POLG: variants seen among roughly 807,000 people sequenced by gnomAD.
POLG encodes DNA polymerase subunit gamma-1.
POLG carries 110 observed loss-of-function variants against 155.4 expected under a neutral mutation model. The ratio of observed to expected loss-of-function variants is 0.71; its 90% confidence interval spans 0.61 to 0.83. The LOEUF is 0.83. POLG is among the 40% of genes least tolerant of loss of function. The pLI is 0.00. For missense variants in POLG, 1,685 were observed against 1,627.5 expected (o/e 1.04, Z -0.61); for synonymous variants, 701 against 631.5 (o/e 1.11, Z -1.65).
In POLG at chr15:89,321,968, A is replaced by G. The variant is rs763453929; in HGVS notation, c.2474T>C (p.Val825Ala). ...ACCACTCAGCAGACCATACCTGATC[A>G]CAGCACGGGGCAGAGCTGACCTGGG... ...WLPRSALPRA[V>A]IRHPDYDEEG... The change falls in exon 15 of 23, where the codon GTG becomes GCG. Residue 825 changes from valine (V) to alanine (A), a missense_variant. Coordinates refer to ENST00000268124, the MANE Select transcript of POLG (RefSeq NM_002693.3). The G allele has an allele frequency of 3.1e-6, 5 of 1,614,126 alleles. No homozygotes were observed. The highest frequency in any genetic ancestry group is 4.2e-6 in the Non-Finnish European group (5 of 1,179,956).
rs371744404 is a variant in POLG, at chr15:89,323,124, CATA to C, written c.2266-225_2266-223del. Among the ~76,000 whole-genome samples the C allele has an allele frequency of 9.9e-5, 15 of 152,232 alleles. No individual in the cohort carries two copies. The East Asian group carries it at 1.2e-3, about 12-fold the overall frequency. On this transcript the variant is annotated intron_variant, in intron 13 of 22. Transcript: ENST00000268124. ...AGACACAAGCAAACCTGGCTCCCTG[CATA>C]ATAACAAATCGGAAAAACCTATCAC...
At chr15:89,325,297 A>T (rs368959267) in intron 10 of POLG, among the ~76,000 whole-genome samples, 153 bp downstream of exon 10, 7 of 59,928 alleles carry the variant, frequency 1.2e-4, no homozygotes, top group East Asian at 4.4e-4. Context: ...AGAGAGAGAG[A>T]GGGTGTGTGT....
In POLG at chr15:89,320,981, C is replaced by T; in HGVS notation, c.2766G>A (p.Gln922=). ...GCTAFGWMTL[Q]GRKSRGTDLH... is the part of the protein sequence containing the mutation. Reference sequence around the variant, plus strand: ...GATCAGTGCCCCTGCTCTTCCTGCCCTGCAGTGTCATCCACCCAAAGGCTG... The same window carrying T: ...GATCAGTGCCCCTGCTCTTCCTGCCTTGCAGTGTCATCCACCCAAAGGCTG... The change falls in exon 18 of 23, where the codon CAG becomes CAA. Residue 922 remains glutamine (Q), a synonymous_variant. Coordinates refer to ENST00000268124, the MANE Select transcript of POLG (RefSeq NM_002693.3). The T allele has an allele frequency of 6.3e-7, 1 of 1,589,704 alleles. No homozygotes were observed. Among genetic ancestry groups the T allele is most frequent in the South Asian group, 1.1e-5 (1 of 88,522 alleles).
intron 5 of POLG, 30 bp downstream of exon 5, chr15:89,328,655 A>G (rs758732734): frequency 1.2e-6 from 2 of 1,613,616 alleles, no homozygotes; most frequent in Non-Finnish European, 1.7e-6. Flanking sequence ...GCCACAGCCC[A>G]TGTCCCCAGA....
chr15:89,326,489 T>G, intron 9 of POLG, 123 bp downstream of exon 9: 1 of 1,074,098 alleles, frequency 9.3e-7, no homozygotes. Flanking sequence ...TGTGACTGAA[T>G]GGCAGCAGGT....
At chr15:89,318,257 G>A (rs552296669) in intron 21 of POLG, among the ~76,000 whole-genome samples, 2 of 152,164 alleles carry the variant, frequency 1.3e-5, no homozygotes, top group Non-Finnish European at 2.9e-5. Context: ...ATAGAAAAGC[G>A]TGAGTACCAC....
rs1481179865 is a variant in POLG, at chr15:89,316,728, A to C, written c.*23T>G. The C allele has an allele frequency of 6.3e-7, 1 of 1,595,468 alleles. No homozygotes were observed. Among genetic ancestry groups the C allele is most frequent in the African/African-American group, 1.3e-5 (1 of 74,586 alleles). ...CACCCCGATGAAGCTCCACGGGAGC[A>C]AATACAGAGCCTCCAGGCAGTGCTA... On this transcript the variant is annotated 3_prime_UTR_variant, in exon 23 of 23. Transcript: ENST00000268124.
rs2152055961 is a variant in POLG, at chr15:89,317,358, C to CA, written c.3643+17dup. 2.5e-6 allele frequency: 4 copies of CA among 1,613,500 alleles called. No homozygotes were observed. Among genetic ancestry groups the CA allele is most frequent in the African/African-American group, 1.3e-5 (1 of 75,018 alleles). ...CTCAGATCCTATGTGTAATGAGGAA[C>CA]AAATGTGTTGTGCTCACCCTGGGGA... On this transcript the variant is annotated intron_variant, in intron 22 of 22. Transcript: ENST00000268124.
chr15:89,320,849 T>A lies in POLG; in HGVS notation c.2898A>T (p.Leu966=). 6.2e-7 allele frequency: 1 copy of A among 1,613,964 alleles called. No homozygotes were observed. Among genetic ancestry groups the A allele is most frequent in the Non-Finnish European group, 8.5e-7 (1 of 1,179,998 alleles). ...GAGQPFAERL[L]MQFNHRLTQQ... is the part of the protein sequence containing the mutation. ...GTGTGAGCCGGTGGTTAAACTGCAT[T>A]AGTAAGCGCTCAGCAAAGGGCTGCC... The change falls in exon 18 of 23, where the codon CTA becomes CTT. Residue 966 remains leucine, a synonymous_variant. Coordinates refer to ENST00000268124, the MANE Select transcript of POLG (RefSeq NM_002693.3).
At chr15:89,324,649 C>T (rs2055445798) in intron 10 of POLG, among the ~76,000 whole-genome samples, 2 of 152,178 alleles carry the variant, frequency 1.3e-5, no homozygotes, top group African/African-American at 4.8e-5. Context: ...CCTGAAGAGC[C>T]AGGACTCTTA....
rs775769107 is a variant in POLG, at chr15:89,325,667, G to C, written c.1732C>G (p.Pro578Ala). ...GHPGWYRKLC[P>A]RLDDPAWTPG... ...GTCCATGCAGGGTCGTCTAGCCGGG[G>C]GCAGAGCTTCCGGTACCATCTACGT... Residue 578 changes from proline to alanine, a missense_variant, in exon 10 of 23, where the codon CCC becomes GCC. Physicochemically the swap from Pro to Ala is conservative, Grantham distance 27. Around this residue, in one of 3 missense-constraint regions of POLG, gnomAD observed 1,210 missense variants for 1,167.1 expected, o/e 1.04. Transcript: ENST00000268124. 6.2e-7 allele frequency: 1 copy of C among 1,609,044 alleles called. No individual in the cohort carries two copies. The highest frequency in any genetic ancestry group is 1.1e-5 in the South Asian group (1 of 91,074).
chr15:89,320,990 C>A lies in POLG; in HGVS notation c.2757G>T (p.Met919Ile), dbSNP rs1473599353. 2 of 1,613,952 alleles carry A rather than the reference C, an allele frequency of 1.2e-6. No homozygotes were observed. The highest frequency in any genetic ancestry group is 2.7e-5 in the African/African-American group (2 of 74,918). Residue 919 changes from methionine to isoleucine, a missense_variant, in exon 18 of 23, where the codon ATG becomes ATT. By Grantham distance (10) the Met-to-Ile change is conservative. Around this residue, in one of 3 missense-constraint regions of POLG, gnomAD observed 470 missense variants for 439.9 expected, o/e 1.07. Coordinates refer to ENST00000268124, the MANE Select transcript of POLG (RefSeq NM_002693.3). ...GMHGCTAFGW[M>I]TLQGRKSRGT... Reference sequence around the variant, plus strand: ...CCCTGCTCTTCCTGCCCTGCAGTGTCATCCACCCAAAGGCTGTGCAGCCTG... The same window carrying A: ...CCCTGCTCTTCCTGCCCTGCAGTGTAATCCACCCAAAGGCTGTGCAGCCTG...
chr15:89,321,956 C>A lies in POLG; in HGVS notation c.2480+6G>T. 1 of 1,614,048 alleles carries A rather than the reference C, an allele frequency of 6.2e-7. No individual in the cohort carries two copies. The highest frequency in any genetic ancestry group is 8.5e-7 in the Non-Finnish European group (1 of 1,179,874). ...CCTATCCCTACAACCACTCAGCAGA[C>A]CATACCTGATCACAGCACGGGGCAG... On this transcript the variant is annotated splice_donor_region_variant and intron_variant, in intron 15 of 22. Transcript: ENST00000268124.
In POLG at chr15:89,323,389, T is replaced by A. The variant is rs747993559; in HGVS notation, c.2265+15A>T. On this transcript the variant is annotated intron_variant, in intron 13 of 22. Transcript: ENST00000268124. ...TGAGGAAACACCACAGGACAGGCCA[T>A]GACCCAGGACACACCTTGTGAGGCA... The A allele has an allele frequency of 3.3e-5, 52 of 1,555,102 alleles. No individual in the cohort carries two copies. Among genetic ancestry groups the A allele is most frequent in the Non-Finnish European group, 4.4e-5 (50 of 1,126,404 alleles).
intron 9 of POLG, among the ~76,000 whole-genome samples, chr15:89,326,177 C>T (rs1232879323): frequency 1.3e-5 from 2 of 152,180 alleles, no homozygotes; most frequent in Non-Finnish European, 2.9e-5. Context: ...CCCTGGCTGC[C>T]CTTTTTCTCA....
rs2055424263 is a variant in POLG, at chr15:89,323,262, T to G, written c.2265+142A>C. On this transcript the variant is annotated intron_variant, in intron 13 of 22. Coordinates refer to ENST00000268124, the MANE Select transcript of POLG (RefSeq NM_002693.3). ...AAAAACAAAAGCTGAGAGATGACAGTATGTGCCTGAAATCACACTCTGTCC... is the reference window on the plus strand; with the variant it reads ...AAAAACAAAAGCTGAGAGATGACAGGATGTGCCTGAAATCACACTCTGTCC... The G allele has an allele frequency of 2.0e-5, 14 of 692,212 alleles. No homozygotes were observed. The East Asian group carries it at 3.3e-4, about 16-fold the overall frequency. 42.9% of individuals were successfully genotyped at this position (692,212 alleles called of 1,614,324 possible).
intron 2 of POLG, among the ~76,000 whole-genome samples, chr15:89,332,795 T>G (rs1471986122): frequency 6.6e-6 from 1 of 151,762 alleles, no homozygotes; most frequent in Admixed American, 6.6e-5. Flanking sequence ...GGAGAGGGGG[T>G]AAAGGCACCA....
intron 1 of POLG, 183 bp from the exon 2 acceptor site, chr15:89,334,096 G>A (rs993848268): frequency 1.6e-5 from 6 of 382,316 alleles, no homozygotes; most frequent in Non-Finnish European, 2.9e-5. Context: ...CGGGGTCCAC[G>A]CAACTTCGTC....
intron 10 of POLG, among the ~76,000 whole-genome samples, chr15:89,325,143 A>AGT (rs1567189537): frequency 8.1e-5 from 4 of 49,100 alleles, no homozygotes; most frequent in African/African-American, 4.8e-4. Context: ...AGTGAGTGAG[A>AGT]GAGTGAGTGA....
Sources: allele counts gnomAD v4.1 joint callset (sites outside exome capture counted in the v4.1 genomes callset), GRCh38; gene constraint gnomAD v4.1.1; regional missense constraint gnomAD v4.1.1; transcripts MANE v1.5; gene names NCBI Gene and HGNC (gene_info 2026-07-23, HGNC 2026-07-21).